Variants in FHIP1A observed in about 807,000 individuals in gnomAD.
The protein encoded by FHIP1A is FHF complex subunit HOOK-interacting protein 1A.
Under a neutral mutation model 88.6 loss-of-function variants are expected in FHIP1A, and 61 were observed. The observed-to-expected ratio is 0.69, with a 90% CI of 0.56 to 0.85. The LOEUF is 0.85. Among genes scored for constraint, FHIP1A ranks in the 40% least tolerant of loss-of-function variants. The probability of loss-of-function intolerance (pLI) is 0.00; values close to 1 mark genes in which losing one functional copy is unlikely to be tolerated. For synonymous variants in FHIP1A, 478 were observed against 496.0 expected, an observed-to-expected ratio of 0.96 and a Z score of 0.48; for missense variants, 1,154 against 1,273.5, an observed-to-expected ratio of 0.91 and a Z score of 1.43.
intron 3 of FHIP1A, among the ~76,000 whole-genome samples, chr4:151,491,501 A>C (rs938630550): frequency 2.6e-5 from 4 of 152,188 alleles, no homozygotes; most frequent in African/African-American, 9.7e-5. Flanking sequence ...CTAAATCTTG[A>C]CGCAAAACCT....
chr4:151,531,181 AAATAGGGTGAAG>A (rs1156522305), intron 3 of FHIP1A, among the ~76,000 whole-genome samples: 1 of 151,970 alleles, frequency 6.6e-6, no homozygotes, highest in Non-Finnish European at 1.5e-5. Flanking sequence ...CAACCCTTTC[AAATAGGGTGAAG>A]TGTGATTTTT....
chr4:151,633,143 T>C (rs962779177), intron 8 of FHIP1A, among the ~76,000 whole-genome samples: 1 of 151,754 alleles, frequency 6.6e-6, no homozygotes, highest in African/African-American at 2.4e-5. Flanking sequence ...TTACACCTTA[T>C]GCCACAGAAA....
chr4:151,605,006 T>C (rs1735019236), intron 7 of FHIP1A, among the ~76,000 whole-genome samples: 1 of 152,152 alleles, frequency 6.6e-6, no homozygotes, highest in African/African-American at 2.4e-5. Flanking sequence ...GGTTTTGTCA[T>C]TAGCTTGGGA....
Position 151,669,410 on chromosome 4 carries a change from T to C in FHIP1A, c.*6656T>C, listed in dbSNP as rs1214861762. 1.3e-5 allele frequency among the ~76,000 whole-genome samples: 2 copies of C among 152,240 alleles called. No individual in the cohort carries two copies. Among genetic ancestry groups the C allele is most frequent in the Non-Finnish European group, 2.9e-5 (2 of 68,040 alleles). ...AATGTCTTTTTCTGGCTGCACCCCC[T>C]TTTAAGTAAGCCTTTAATTTTAAAT... On this transcript the variant is annotated 3_prime_UTR_variant, in exon 14 of 14. Transcript: ENST00000435205.
chr4:151,514,105 C>T (rs977293605), intron 3 of FHIP1A, among the ~76,000 whole-genome samples: 4 of 152,226 alleles, frequency 2.6e-5, no homozygotes, highest in African/African-American at 9.6e-5. Flanking sequence ...CAAACTGTCT[C>T]TCAGACCACA....
chr4:151,579,928 A>G (rs1733956940), intron 5 of FHIP1A, among the ~76,000 whole-genome samples: 1 of 152,184 alleles, frequency 6.6e-6, no homozygotes, highest in Non-Finnish European at 1.5e-5. Flanking sequence ...ACCATTTGAA[A>G]TTAAGTTACA....
In FHIP1A at chr4:151,588,820, C is replaced by G. The variant is rs1438298864; in HGVS notation, c.892-20C>G. The G allele has an allele frequency of 4.8e-6, 7 of 1,463,076 alleles. No individual in the cohort carries two copies. In the East Asian group the frequency reaches 1.5e-4, roughly 31 times the overall value. The allele number at this position is 1,463,076 out of a possible 1,614,324, so 90.6% of individuals were successfully genotyped here. On this transcript the variant is annotated intron_variant, in intron 6 of 13. Coordinates refer to ENST00000435205, the MANE Select transcript of FHIP1A (RefSeq NM_001109977.3). Reference sequence around the variant, plus strand: ...GATTGAACTCTTTGCCTTTTTCATGCCTATGTGCCTCTCTCTCAGGTGGCT... The same window carrying G: ...GATTGAACTCTTTGCCTTTTTCATGGCTATGTGCCTCTCTCTCAGGTGGCT...
intron 3 of FHIP1A, among the ~76,000 whole-genome samples, chr4:151,538,209 C>T (rs948928294): frequency 6.6e-6 from 1 of 152,118 alleles, no homozygotes; most frequent in African/African-American, 2.4e-5. Flanking sequence ...CTTCCCCTTA[C>T]TAGTTGTATA....
chr4:151,527,023 A>G (rs1214653181), intron 3 of FHIP1A, among the ~76,000 whole-genome samples: 5 of 126,098 alleles, frequency 4.0e-5, no homozygotes, highest in Non-Finnish European at 6.5e-5. Flanking sequence ...GGGCAGAGAC[A>G]CTCCTCACTT....
intron 6 of FHIP1A, among the ~76,000 whole-genome samples, 193 bp downstream of exon 6, chr4:151,586,992 GA>G (rs1033713371): frequency 6.6e-6 from 1 of 151,756 alleles, no homozygotes; most frequent in Admixed American, 6.6e-5. Context: ...TTTTAACTGA[GA>G]AAAAAAATGA....
At chr4:151,566,521 C>G (rs138926422) in intron 4 of FHIP1A, among the ~76,000 whole-genome samples, 157 bp downstream of exon 4, 59 of 152,244 alleles carry the variant, frequency 3.9e-4, no homozygotes, top group African/African-American at 1.4e-3. Flanking sequence ...ACTTTTTCTT[C>G]TTGCTTTCCT....
chr4:151,544,726 G>A (rs971152979), intron 3 of FHIP1A, among the ~76,000 whole-genome samples: 1 of 152,148 alleles, frequency 6.6e-6, no homozygotes, highest in Non-Finnish European at 1.5e-5. Flanking sequence ...TTGAGAAAAG[G>A]AAATCCATGG....
At chr4:151,449,777 A>G (rs1036286239) in intron 1 of FHIP1A, among the ~76,000 whole-genome samples, 4 of 152,250 alleles carry the variant, frequency 2.6e-5, no homozygotes, top group African/African-American at 7.2e-5. Context: ...TAGAGGCAGC[A>G]TGTGTCCTGG....
chr4:151,572,071 G>A (rs1733622579), intron 4 of FHIP1A, among the ~76,000 whole-genome samples: 1 of 152,178 alleles, frequency 6.6e-6, no homozygotes, highest in African/African-American at 2.4e-5. Context: ...GCCAGGTGTG[G>A]TGGCACATGC....
chr4:151,612,623 A>T (rs115894181), intron 7 of FHIP1A, among the ~76,000 whole-genome samples: 3 of 152,162 alleles, frequency 2.0e-5, no homozygotes, highest in African/African-American at 4.8e-5. Context: ...CTCAAATGAT[A>T]TGCCCATCTC....
At chr4:151,527,098 C>T (rs1340901001) in intron 3 of FHIP1A, among the ~76,000 whole-genome samples, 2 of 151,368 alleles carry the variant, frequency 1.3e-5, no homozygotes, top group African/African-American at 2.4e-5. Context: ...CGGGCAGAGA[C>T]GCTCCTCACT....
chr4:151,608,034 C>CTTGT (rs1735144757), intron 7 of FHIP1A, among the ~76,000 whole-genome samples: 1 of 97,044 alleles, frequency 1.0e-5, no homozygotes, highest in Non-Finnish European at 2.2e-5. Flanking sequence ...TTTCTTTCTT[C>CTTGT]TTCTTTTTTT....
At chr4:151,419,568 C>CTTTTTTTTTTTTT (rs70941499) in intron 1 of FHIP1A, among the ~76,000 whole-genome samples, 16 of 21,988 alleles carry the variant, frequency 7.3e-4, no homozygotes, top group African/African-American at 1.9e-3. Context: ...GTTCCTCATT[C>CTTTTTTTTTTTTT]TTTTTTTTTT....
At chr4:151,530,945 C>CT (rs1438241019) in intron 3 of FHIP1A, among the ~76,000 whole-genome samples, 1 of 78,284 alleles carries the variant, frequency 1.3e-5, no homozygotes, top group African/African-American at 1.6e-4. Context: ...ACATTTCTTT[C>CT]TAGGGCTGTC....
Sources: allele counts gnomAD v4.1 joint callset (sites outside exome capture counted in the v4.1 genomes callset), GRCh38; gene constraint gnomAD v4.1.1; transcripts MANE v1.5; gene names NCBI Gene and HGNC (gene_info 2026-07-23, HGNC 2026-07-21).